The following DGKB variants were observed in gnomAD, a reference collection of about 807,000 sequenced individuals.
DGKB encodes diacylglycerol kinase beta.
In DGKB, 67 loss-of-function variants were observed where a neutral mutation model predicts 114.3. The observed-to-expected ratio is 0.59, with a 90% CI of 0.48 to 0.72. DGKB has a LOEUF of 0.72. DGKB is among the 30% of genes least tolerant of loss of function. The pLI, the probability that DGKB is intolerant of heterozygous loss-of-function variation, is 0.00. For synonymous variants in DGKB, 398 were observed against 323.1 expected, an observed-to-expected ratio of 1.23 and a Z score of -2.49; for missense variants, 907 against 975.2, an observed-to-expected ratio of 0.93 and a Z score of 0.93.
At chr7:14,821,953 A>G (rs897473488) in intron 2 of DGKB, among the ~76,000 whole-genome samples, 3 of 152,160 alleles carry the variant, frequency 2.0e-5, no homozygotes, top group African/African-American at 7.2e-5. Context: ...GTATGTTGAG[A>G]GTGAGGACAA....
chr7:14,940,430 C>T (rs1276186407), intron 1 of DGKB, among the ~76,000 whole-genome samples: 1 of 151,078 alleles, frequency 6.6e-6, no homozygotes. Context: ...TATAATTCTG[C>T]TGAGAAGAAC....
intron 17 of DGKB, among the ~76,000 whole-genome samples, chr7:14,602,842 G>A (rs2128768235): frequency 6.6e-6 from 1 of 152,238 alleles, no homozygotes; most frequent in East Asian, 1.9e-4. Context: ...CATTTCAAAT[G>A]GCCAATTCAG....
chr7:14,717,864 T>G (rs1167239808), intron 6 of DGKB, among the ~76,000 whole-genome samples: 2 of 152,154 alleles, frequency 1.3e-5, no homozygotes, highest in African/African-American at 4.8e-5. Context: ...AGTAAATGCT[T>G]GAAAAATATT....
At chr7:14,689,789 G>A (rs1400385236) in intron 9 of DGKB, among the ~76,000 whole-genome samples, 2 of 152,124 alleles carry the variant, frequency 1.3e-5, no homozygotes, top group Non-Finnish European at 2.9e-5. Flanking sequence ...TTTAAAAATC[G>A]ATGTGCTGAA....
At chr7:14,223,836 T>A (rs1041595363) in intron 23 of DGKB, among the ~76,000 whole-genome samples, 2 of 151,808 alleles carry the variant, frequency 1.3e-5, no homozygotes, top group African/African-American at 4.8e-5. Context: ...CATACTGACC[T>A]CCATTGTTTT....
intron 20 of DGKB, among the ~76,000 whole-genome samples, chr7:14,480,796 C>G (rs2128911002): frequency 6.6e-6 from 1 of 152,162 alleles, no homozygotes; most frequent in Admixed American, 6.5e-5. Flanking sequence ...ACTGACATCC[C>G]TTCAAAGTAC....
intron 23 of DGKB, among the ~76,000 whole-genome samples, chr7:14,295,597 T>A (rs555718614): frequency 4.4e-4 from 67 of 152,226 alleles, no homozygotes; most frequent in African/African-American, 1.6e-3. Flanking sequence ...TTTTCTGTGA[T>A]AGTTTATTTT....
intron 21 of DGKB, among the ~76,000 whole-genome samples, chr7:14,357,131 G>A (rs1814711441): frequency 6.6e-6 from 1 of 152,186 alleles, no homozygotes; most frequent in African/African-American, 2.4e-5. Context: ...GCAGAACTGA[G>A]TTCATGTCCT....
At chr7:14,901,605 A>ACCCCCCCCCCCCCCCCCCCCTCCCC (rs1300363624) in intron 1 of DGKB, among the ~76,000 whole-genome samples, 2 of 123,092 alleles carry the variant, frequency 1.6e-5, no homozygotes, top group African/African-American at 3.1e-5. Flanking sequence ...AGGGATTTCC[A>ACCCCCCCCCCCCCCCCCCCCTCCCC]CCCCCCCCCA....
chr7:14,371,379 A>C (rs2128654038), intron 21 of DGKB, among the ~76,000 whole-genome samples: 1 of 152,194 alleles, frequency 6.6e-6, no homozygotes, highest in Non-Finnish European at 1.5e-5. Flanking sequence ...TTGGTGTGAA[A>C]TAGTATCTCA....
intron 20 of DGKB, among the ~76,000 whole-genome samples, chr7:14,527,997 T>A (rs73287732): frequency 0.021 from 3,221 of 152,152 alleles, 110 homozygotes; most frequent in African/African-American, 0.073. Context: ...TAATTTTAAA[T>A]GGTTTGTTAG....
intron 23 of DGKB, among the ~76,000 whole-genome samples, chr7:14,272,602 C>T (rs943215751): frequency 6.6e-6 from 1 of 152,112 alleles, no homozygotes; most frequent in African/African-American, 2.4e-5. Context: ...TTAGCACCTC[C>T]TTAACTGTAT....
chr7:14,659,946 T>A (rs1816687407), intron 13 of DGKB, among the ~76,000 whole-genome samples: 1 of 151,484 alleles, frequency 6.6e-6, no homozygotes, highest in Non-Finnish European at 1.5e-5. Context: ...GCATGAAGGG[T>A]TGTTGAATTT....
At chr7:14,662,883 T>C (rs1442533403) in intron 13 of DGKB, among the ~76,000 whole-genome samples, 1 of 151,826 alleles carries the variant, frequency 6.6e-6, no homozygotes, top group Non-Finnish European at 1.5e-5. Context: ...TTTAAAATTT[T>C]GTATGATTAC....
At chr7:14,211,036 A>G (rs1787691435) in intron 23 of DGKB, among the ~76,000 whole-genome samples, 1 of 152,016 alleles carries the variant, frequency 6.6e-6, no homozygotes, top group Admixed American at 6.6e-5. Flanking sequence ...CACCTTCCCC[A>G]GGGTGAAGGT....
intron 1 of DGKB, among the ~76,000 whole-genome samples, chr7:14,962,218 A>G (rs886808961): frequency 3.3e-5 from 5 of 152,294 alleles, no homozygotes; most frequent in Admixed American, 6.5e-5. Flanking sequence ...AATCTTGTAT[A>G]TCCATATTCT....
At chr7:14,908,655 A>G (rs944402479) in intron 1 of DGKB, among the ~76,000 whole-genome samples, 5 of 152,278 alleles carry the variant, frequency 3.3e-5, no homozygotes, top group Admixed American at 2.0e-4. Context: ...ATAGCTTTCT[A>G]TCATATCTTA....
chr7:14,472,920 C>G (rs1248819716), intron 21 of DGKB, among the ~76,000 whole-genome samples: 1 of 152,068 alleles, frequency 6.6e-6, no homozygotes, highest in Admixed American at 6.6e-5. Context: ...CAAGAGGTGA[C>G]TTGGGTGCTG....
At chr7:14,710,292 C>T (rs895459014) in intron 6 of DGKB, among the ~76,000 whole-genome samples, 1 of 151,852 alleles carries the variant, frequency 6.6e-6, no homozygotes, top group Non-Finnish European at 1.5e-5. Context: ...GGTAAAATTT[C>T]TTAAATTTTA....
Sources: gnomAD v4.1 joint callset for allele counts (sites outside exome capture counted in the v4.1 genomes callset) on GRCh38, gnomAD v4.1.1 for gene constraint, MANE v1.5 for transcripts, NCBI Gene and HGNC (gene_info 2026-07-23, HGNC 2026-07-21) for gene names.